The following ZCCHC17 variants were observed in gnomAD, a reference collection of about 807,000 sequenced individuals.
The protein encoded by ZCCHC17 is zinc finger CCHC domain-containing protein 17.
A neutral mutation model predicts 30.6 loss-of-function variants in ZCCHC17; 18 were observed. The observed-to-expected ratio is 0.59, with a 90% CI of 0.41 to 0.87. The LOEUF is 0.87. Ranked by LOEUF, ZCCHC17 falls within the 40% of genes least tolerant of loss-of-function variation. The pLI is 0.00. For missense variants in ZCCHC17, 263 were observed against 284.2 expected, an observed-to-expected ratio of 0.93 and a Z score of 0.54; for synonymous variants, 88 against 92.4, an observed-to-expected ratio of 0.95 and a Z score of 0.27.
In ZCCHC17 at chr1:31,348,955, C is replaced by T. The variant is rs1404775832; in HGVS notation, c.545C>T (p.Pro182Leu). ...EFEKPDPTRN[P>L]SRKRKKEKKK... ...GAGAAGCCTGACCCTACAAGGAATCCTTCTAGAAAAAGAAAGAAGGTGAAT... is the reference window on the plus strand; with the variant it reads ...GAGAAGCCTGACCCTACAAGGAATCTTTCTAGAAAAAGAAAGAAGGTGAAT... The change falls in exon 7 of 8, where the codon CCT (proline) becomes CTT (leucine). Residue 182 changes from proline to leucine, a missense_variant. Pro to Leu is a moderately conservative substitution (Grantham distance 98). Coordinates refer to ENST00000344147, the MANE Select transcript of ZCCHC17 (RefSeq NM_016505.4). 1.3e-6 allele frequency: 2 copies of T among 1,576,534 alleles called. No homozygotes were observed. Among genetic ancestry groups the T allele is most frequent in the Admixed American group, 4.1e-5 (2 of 48,360 alleles).
chr1:31,356,737 T>A (rs1639656119), intron 7 of ZCCHC17, among the ~76,000 whole-genome samples: 1 of 152,196 alleles, frequency 6.6e-6, no homozygotes, highest in Admixed American at 6.5e-5. Flanking sequence ...AAAACATACA[T>A]GTATTGAATG....
At chr1:31,323,010 A>G (rs1244903197) in intron 3 of ZCCHC17, among the ~76,000 whole-genome samples, 2 of 151,892 alleles carry the variant, frequency 1.3e-5, no homozygotes, top group Middle Eastern at 3.4e-3. Context: ...GTGAGCCACC[A>G]TGCCCAGCCC....
At chr1:31,341,272 G>T (rs952705403) in intron 5 of ZCCHC17, among the ~76,000 whole-genome samples, 3 of 152,194 alleles carry the variant, frequency 2.0e-5, no homozygotes, top group African/African-American at 7.2e-5. Flanking sequence ...AACTCAGAGT[G>T]CAGAAGTGTT....
At chr1:31,359,277 A>T (rs1010633890) in intron 7 of ZCCHC17, among the ~76,000 whole-genome samples, 3 of 152,060 alleles carry the variant, frequency 2.0e-5, no homozygotes, top group Non-Finnish European at 2.9e-5. Flanking sequence ...GCACTTTGGG[A>T]GGATGAGGCA....
At chr1:31,314,203 T>A (rs1423823613) in intron 2 of ZCCHC17, among the ~76,000 whole-genome samples, 1 of 152,146 alleles carries the variant, frequency 6.6e-6, no homozygotes, top group African/African-American at 2.4e-5. Flanking sequence ...CTTGAATTAG[T>A]GCAGGTTTTA....
intron 7 of ZCCHC17, among the ~76,000 whole-genome samples, chr1:31,350,908 C>T (rs1639447513): frequency 6.6e-6 from 1 of 152,130 alleles, no homozygotes; most frequent in Non-Finnish European, 1.5e-5. Context: ...GGCAAACTTC[C>T]GTTTTTTCAT....
intron 6 of ZCCHC17, 110 bp from the exon 7 acceptor site, chr1:31,348,719 C>G (rs1051091040): frequency 7.5e-7 from 1 of 1,339,818 alleles, no homozygotes; most frequent in African/African-American, 1.5e-5. Context: ...ATGAACTCAA[C>G]AATATTTCCT....
At chr1:31,340,015 G>C (rs1638980808) in intron 5 of ZCCHC17, among the ~76,000 whole-genome samples, 1 of 132,294 alleles carries the variant, frequency 7.6e-6, no homozygotes, top group Non-Finnish European at 1.5e-5. Context: ...GGAGTGCAGT[G>C]CCATAATCAC....
intron 3 of ZCCHC17, among the ~76,000 whole-genome samples, chr1:31,331,124 T>C (rs1638566360): frequency 6.6e-6 from 1 of 152,142 alleles, no homozygotes; most frequent in South Asian, 2.1e-4. Context: ...GAAATCTAGT[T>C]GATTGTATCA....
intron 3 of ZCCHC17, among the ~76,000 whole-genome samples, chr1:31,322,270 C>T (rs965223272): frequency 1.8e-4 from 28 of 152,164 alleles, no homozygotes; most frequent in Admixed American, 1.7e-3. Flanking sequence ...AACTTAAGGG[C>T]TCAGTCCCAC....
chr1:31,342,483 T>C (rs1330101270), intron 5 of ZCCHC17, among the ~76,000 whole-genome samples: 2 of 152,204 alleles, frequency 1.3e-5, no homozygotes, highest in African/African-American at 4.8e-5. Flanking sequence ...AATTTTTCCA[T>C]GGATAGGGGG....
intron 2 of ZCCHC17, among the ~76,000 whole-genome samples, chr1:31,314,442 GAA>G (rs77025494): frequency 2.0e-4 from 22 of 107,942 alleles, no homozygotes; most frequent in South Asian, 5.7e-4. Context: ...CATTAAAATT[GAA>G]AAAAAAAAAA....
At chr1:31,363,797 G>GACAGTTTT (rs1640022477) in intron 7 of ZCCHC17, among the ~76,000 whole-genome samples, 2 of 152,084 alleles carry the variant, frequency 1.3e-5, no homozygotes, top group Admixed American at 1.3e-4. Context: ...AGAAAATTAA[G>GACAGTTTT]TGGTCCCCTA....
chr1:31,341,719 T>C (rs907242744), intron 5 of ZCCHC17, among the ~76,000 whole-genome samples: 1 of 152,218 alleles, frequency 6.6e-6, no homozygotes, highest in Non-Finnish European at 1.5e-5. Flanking sequence ...GATTAATTAG[T>C]CTATCTGAAT....
intron 2 of ZCCHC17, among the ~76,000 whole-genome samples, chr1:31,310,864 T>G (rs1646583829): frequency 1.3e-5 from 2 of 152,224 alleles, no homozygotes; most frequent in South Asian, 4.1e-4. Flanking sequence ...TCACCCTTGA[T>G]TTCTCTTCTT....
intron 7 of ZCCHC17, among the ~76,000 whole-genome samples, chr1:31,362,798 G>A (rs1463724716): frequency 1.3e-5 from 2 of 152,118 alleles, no homozygotes; most frequent in South Asian, 2.1e-4. Context: ...CTTTAGGGGC[G>A]CCTTTCAGCT....
intron 2 of ZCCHC17, among the ~76,000 whole-genome samples, chr1:31,314,785 A>G (rs1646691735): frequency 6.6e-6 from 1 of 151,816 alleles, no homozygotes; most frequent in South Asian, 2.1e-4. Flanking sequence ...TCATGCCTCA[A>G]CCTCCTGAAT....
chr1:31,329,725 T>G (rs1012503863), intron 3 of ZCCHC17, among the ~76,000 whole-genome samples: 3 of 152,178 alleles, frequency 2.0e-5, no homozygotes, highest in Non-Finnish European at 4.4e-5. Flanking sequence ...GGGTGGGTGT[T>G]CAGTAAATCT....
chr1:31,332,735 C>T (rs1257055397), intron 3 of ZCCHC17, among the ~76,000 whole-genome samples: 1 of 151,818 alleles, frequency 6.6e-6, no homozygotes, highest in Non-Finnish European at 1.5e-5. Context: ...AATTCTCCTG[C>T]CTTAGCTTCC....
Sources: allele counts gnomAD v4.1 joint callset (sites outside exome capture counted in the v4.1 genomes callset), GRCh38; gene constraint gnomAD v4.1.1; transcripts MANE v1.5; gene names NCBI Gene and HGNC (gene_info 2026-07-23, HGNC 2026-07-21).